TTYH2: variants seen among roughly 807,000 people sequenced by gnomAD.
The protein encoded by TTYH2 is tweety family member 2, also known as protein tweety homolog 2.
A neutral mutation model predicts 68.3 loss-of-function variants in TTYH2; 49 were observed. The observed-to-expected ratio is 0.72, with a 90% CI of 0.57 to 0.91. TTYH2 has a LOEUF of 0.91. Ranked by LOEUF, TTYH2 falls within the 40% of genes least tolerant of loss-of-function variation. The probability of loss-of-function intolerance (pLI) is 0.00; values close to 1 mark genes in which losing one functional copy is unlikely to be tolerated. For synonymous variants in TTYH2, 272 were observed against 300.8 expected, an observed-to-expected ratio of 0.90 and a Z score of 0.99; for missense variants, 631 against 700.4, an observed-to-expected ratio of 0.90 and a Z score of 1.12.
chr17:74,222,000 C>G (rs1277869271), intron 1 of TTYH2, among the ~76,000 whole-genome samples: 1 of 152,198 alleles, frequency 6.6e-6, no homozygotes, highest in Non-Finnish European at 1.5e-5. Flanking sequence ...ACAGGGCTGT[C>G]CTTCCAGGCC....
chr17:74,249,430 G>T (rs1567819633), intron 8 of TTYH2, 31 bp downstream of exon 8: 1 of 1,610,378 alleles, frequency 6.2e-7, no homozygotes, highest in Non-Finnish European at 8.5e-7. Flanking sequence ...CCCTCACCCT[G>T]CCCACAGCCG....
rs991046701 is a variant in TTYH2, at chr17:74,249,964, C to T, written c.959C>T (p.Thr320Ile). Reference protein sequence around the residue: ...QTLTTFQRALTTMQIQVAGLL... With the variant: ...QTLTTFQRALITMQIQVAGLL... ...CTGACCACCTTCCAGCGCGCACTTA[C>T]CACCATGCAGATCCAGGTCGCGGGG... Residue 320 changes from threonine to isoleucine, a missense_variant, in exon 9 of 14, where the codon ACC becomes ATC. By Grantham distance (89) the Thr-to-Ile change is moderately conservative (BLOSUM62 -1). Transcript: ENST00000269346. The T allele has an allele frequency of 1.9e-6, 3 of 1,614,026 alleles. No individual in the cohort carries two copies. The highest frequency in any genetic ancestry group is 1.7e-5 in the Admixed American group (1 of 60,008).
At chr17:74,252,458 T>G (rs927018478) in intron 11 of TTYH2, 82 bp downstream of exon 11, 1 of 1,499,848 alleles carries the variant, frequency 6.7e-7, no homozygotes, top group African/African-American at 1.4e-5. Context: ...GCTCTACGAT[T>G]TAGCTGATAA....
At chr17:74,226,057 G>T (rs1051655215) in intron 2 of TTYH2, among the ~76,000 whole-genome samples, 49 of 152,370 alleles carry the variant, frequency 3.2e-4, no homozygotes, top group African/African-American at 1.2e-3. Context: ...GCCCCCGGAT[G>T]GGGTGGCAGT....
At chr17:74,250,232 C>T in intron 9 of TTYH2, 33 bp from the exon 10 acceptor site, 1 of 1,564,470 alleles carries the variant, frequency 6.4e-7, no homozygotes. Flanking sequence ...CCTCCACAGC[C>T]CCTCGGCCTC....
At chr17:74,236,193 C>T (rs1245207391) in intron 3 of TTYH2, among the ~76,000 whole-genome samples, 3 of 152,248 alleles carry the variant, frequency 2.0e-5, no homozygotes, top group African/African-American at 2.4e-5. Flanking sequence ...AAGGAGAAGG[C>T]GCCGGTTTCC....
intron 1 of TTYH2, among the ~76,000 whole-genome samples, chr17:74,218,319 GT>G (rs910459595): frequency 1.4e-5 from 2 of 147,142 alleles, no homozygotes; most frequent in African/African-American, 5.0e-5. Flanking sequence ...ACCACCCCCA[GT>G]TTTTTCCCAG....
intron 1 of TTYH2, among the ~76,000 whole-genome samples, chr17:74,218,137 G>C (rs901577146): frequency 1.3e-5 from 2 of 149,738 alleles, no homozygotes; most frequent in Non-Finnish European, 3.0e-5. Flanking sequence ...GGAGCAGCAG[G>C]TGCCACCAAG....
Position 74,237,513 on chromosome 17 carries a change from A to G in TTYH2, c.634A>G (p.Arg212Gly). 2 of 1,604,140 alleles carry G rather than the reference A, an allele frequency of 1.2e-6. No homozygotes were observed. Among genetic ancestry groups the G allele is most frequent in the Non-Finnish European group, 1.7e-6 (2 of 1,172,566 alleles). The change falls in exon 4 of 14, where the codon AGG (arginine) becomes GGG (glycine). Residue 212 changes from arginine (R) to glycine (G), a missense_variant and splice_region_variant. Physicochemically the swap from Arg to Gly is moderately radical, Grantham distance 125. Transcript: ENST00000269346. ...CCAGACTGGCTACGTGGAGTACTAC[A>G]GGTGAAGGACCGGTGGGAGGCAGAG... The part of the protein sequence containing the change: ...SDQTGYVEYY[R>G]WLSYLLLFIL...
intron 4 of TTYH2, 68 bp downstream of exon 4, chr17:74,237,582 GC>G: frequency 1.3e-5 from 18 of 1,378,206 alleles, no homozygotes; most frequent in Non-Finnish European, 1.8e-5. Context: ...ATCCAAACCT[GC>G]ATGTTGAGCT....
intron 13 of TTYH2, among the ~76,000 whole-genome samples, chr17:74,257,441 C>G (rs559819180): frequency 6.6e-6 from 1 of 152,232 alleles, no homozygotes; most frequent in Admixed American, 6.5e-5. Context: ...GGTGTCTGCC[C>G]CAGTAAAGAC....
intron 2 of TTYH2, among the ~76,000 whole-genome samples, chr17:74,227,965 GTTTCT>G (rs1267408200): frequency 7.4e-6 from 1 of 135,954 alleles, no homozygotes; most frequent in East Asian, 2.0e-4. Context: ...CTGGAAGGAG[GTTTCT>G]TTTCTTTTCT....
intron 13 of TTYH2, among the ~76,000 whole-genome samples, chr17:74,259,595 G>C (rs2050727261): frequency 1.3e-5 from 2 of 152,144 alleles, no homozygotes; most frequent in African/African-American, 4.8e-5. Context: ...AGGCTCCCCA[G>C]GTGTTTCTGG....
intron 12 of TTYH2, 111 bp from the exon 13 acceptor site, chr17:74,253,644 G>C: frequency 9.9e-7 from 1 of 1,007,536 alleles, no homozygotes; most frequent in Admixed American, 1.8e-5. Context: ...TCTGTGGTTT[G>C]GTTCCATCCC....
Position 74,215,758 on chromosome 17 carries a change from T to G in TTYH2, c.129+2042T>G, listed in dbSNP as rs1465597844. The G allele has an allele frequency of 6.6e-7, 1 of 1,517,062 alleles. No homozygotes were observed. Among genetic ancestry groups the G allele is most frequent in the Non-Finnish European group, 8.8e-7 (1 of 1,129,948 alleles). 94.0% of individuals were successfully genotyped at this position (1,517,062 alleles called of 1,614,324 possible). A position where few individuals can be genotyped will look rare whatever the true frequency, so the allele number is the denominator to read the frequency against. The stretch of plus-strand genomic sequence containing the variant: ...CACAGGTCTCTCCTGGATGTCTTCT[T>G]TCCTCCTGAGCACCAGTCACTAACA... On this transcript the variant is annotated intron_variant, in intron 1 of 13. Transcript: ENST00000269346. The surrounding 1 kb of genome is among the most constrained non-coding windows in gnomAD (Gnocchi z 4.3).
chr17:74,249,110 G>A (rs1251143008), intron 7 of TTYH2, 30 bp downstream of exon 7: 6 of 1,613,654 alleles, frequency 3.7e-6, no homozygotes, highest in Middle Eastern at 1.7e-4. Flanking sequence ...CTGCTGCTGT[G>A]GATGCATAGG....
chr17:74,235,431 T>C (rs2050432982), intron 3 of TTYH2, among the ~76,000 whole-genome samples: 1 of 152,216 alleles, frequency 6.6e-6, no homozygotes, highest in Non-Finnish European at 1.5e-5. Context: ...AACAAAGCCC[T>C]TTCTCCGCTC....
chr17:74,235,622 G>A (rs2050435356), intron 3 of TTYH2, among the ~76,000 whole-genome samples: 1 of 152,202 alleles, frequency 6.6e-6, no homozygotes, highest in Non-Finnish European at 1.5e-5. Context: ...GGGCGTGGTG[G>A]CTCATGCTTG....
chr17:74,235,328 C>T (rs2050431846), intron 3 of TTYH2, among the ~76,000 whole-genome samples: 2 of 152,300 alleles, frequency 1.3e-5, no homozygotes, highest in South Asian at 2.1e-4. Flanking sequence ...CTCCCAGACC[C>T]GTGGGAGCTG....
Sources: gnomAD v4.1 joint callset for allele counts (sites outside exome capture counted in the v4.1 genomes callset) on GRCh38, gnomAD v4.1.1 for gene constraint, Gnocchi (gnomAD v3.1) non-coding constraint, MANE v1.5 for transcripts, NCBI Gene and HGNC (gene_info 2026-07-23, HGNC 2026-07-21) for gene names.